Variants in ADAM12 observed in about 807,000 individuals in gnomAD.
The protein encoded by ADAM12 is disintegrin and metalloproteinase domain-containing protein 12.
A neutral mutation model predicts 106.4 loss-of-function variants in ADAM12; 70 were observed. That is an observed-to-expected ratio of 0.66 (90% CI 0.54 to 0.80). ADAM12 has a LOEUF of 0.80. Ranked by LOEUF, ADAM12 falls within the 30% of genes least tolerant of loss-of-function variation. The pLI is 0.00. For missense variants in ADAM12, 1,010 were observed against 1,171.9 expected, an observed-to-expected ratio of 0.86 and a Z score of 2.02; for synonymous variants, 420 against 433.5, an observed-to-expected ratio of 0.97 and a Z score of 0.39.
At chr10:126,139,915 G>A (rs770654166) in intron 4 of ADAM12, among the ~76,000 whole-genome samples, 9 of 148,596 alleles carry the variant, frequency 6.1e-5, no homozygotes, top group Non-Finnish European at 1.1e-4. Context: ...TCTTAGTTGG[G>A]TATGTAGGGG....
chr10:126,287,306 G>A (rs1330026684), intron 2 of ADAM12, among the ~76,000 whole-genome samples: 4 of 152,124 alleles, frequency 2.6e-5, no homozygotes, highest in Non-Finnish European at 5.9e-5. Context: ...CCTTTCTTGA[G>A]CTTACTATTG....
chr10:126,098,623 G>T, intron 9 of ADAM12, 123 bp from the exon 10 acceptor site: 3 of 748,966 alleles, frequency 4.0e-6, no homozygotes, highest in Non-Finnish European at 4.4e-6. Flanking sequence ...CTGTATGAGG[G>T]TATATTCACA....
chr10:126,294,898 ATG>A (rs34255814), intron 2 of ADAM12, among the ~76,000 whole-genome samples: 39 of 150,366 alleles, frequency 2.6e-4, no homozygotes, highest in East Asian at 3.9e-4. Context: ...TTGTGTGTAG[ATG>A]TGTGTGTGTG....
chr10:126,358,638 G>A lies in ADAM12; in HGVS notation c.89-28129C>T, dbSNP rs905063832. Among the ~76,000 whole-genome samples the A allele has an allele frequency of 3.9e-5, 6 of 152,166 alleles. No individual in the cohort carries two copies. The East Asian group carries it at 5.8e-4, about 15-fold the overall frequency. ...ATTCAACATAGTGTTGGAAGTCCTCGCCAGAGCAATTTTGCAAGAGAAAGA... is the reference window on the plus strand; with the variant it reads ...ATTCAACATAGTGTTGGAAGTCCTCACCAGAGCAATTTTGCAAGAGAAAGA... On this transcript the variant is annotated intron_variant, in intron 1 of 22. Transcript: ENST00000448723.
intron 3 of ADAM12, among the ~76,000 whole-genome samples, chr10:126,171,050 A>G (rs1957111159): frequency 6.6e-6 from 1 of 152,168 alleles, no homozygotes; most frequent in East Asian, 1.9e-4. Flanking sequence ...CCTTTGAACT[A>G]TTTGCTTCCT....
chr10:126,214,584 G>A (rs1392358591), intron 3 of ADAM12, among the ~76,000 whole-genome samples: 1 of 152,200 alleles, frequency 6.6e-6, no homozygotes, highest in Non-Finnish European at 1.5e-5. Context: ...GGGTGTGGGA[G>A]TAGATGGTCA....
intron 3 of ADAM12, among the ~76,000 whole-genome samples, chr10:126,206,224 T>A: frequency 6.6e-6 from 1 of 152,226 alleles, no homozygotes; most frequent in East Asian, 1.9e-4. Context: ...GCAACTAGTC[T>A]ATAGAACTAC....
intron 14 of ADAM12, among the ~76,000 whole-genome samples, chr10:126,057,993 C>T (rs942295259): frequency 1.1e-4 from 17 of 152,204 alleles, no homozygotes; most frequent in African/African-American, 3.9e-4. Flanking sequence ...GTTATATGAT[C>T]GGGTCAATGC....
At chr10:126,222,137 C>T (rs1958106588) in intron 3 of ADAM12, among the ~76,000 whole-genome samples, 1 of 152,206 alleles carries the variant, frequency 6.6e-6, no homozygotes, top group African/African-American at 2.4e-5. Context: ...CCGTTCTTCT[C>T]TGGAAGGTAC....
intron 3 of ADAM12, among the ~76,000 whole-genome samples, chr10:126,184,955 T>G (rs1433009656): frequency 6.6e-6 from 1 of 152,184 alleles, no homozygotes; most frequent in Non-Finnish European, 1.5e-5. Flanking sequence ...AAAGGGCACA[T>G]CCTGATGGAT....
At position 126,049,716 on chromosome 10, in the gene ADAM12, T is replaced by G. The variant is rs1293718918; in HGVS notation, c.1610-47A>C. The G allele has an allele frequency of 6.4e-7, 1 of 1,557,824 alleles. No individual in the cohort carries two copies. The highest frequency in any genetic ancestry group is 8.8e-7 in the Non-Finnish European group (1 of 1,135,552). On this transcript the variant is annotated intron_variant, in intron 14 of 22. Coordinates refer to ENST00000448723, the MANE Select transcript of ADAM12 (RefSeq NM_001288973.2). This position sits in a 1 kb window ranked among gnomAD's most constrained non-coding sequence, Gnocchi z 4.4. ...ATTTTCATCTCCTGCAGGTGATTTT[T>G]TTTTTTTCATGGCTGTAGGCCTCTC...
chr10:126,190,343 C>G (rs1193727518), intron 3 of ADAM12, among the ~76,000 whole-genome samples: 2 of 151,872 alleles, frequency 1.3e-5, no homozygotes, highest in African/African-American at 4.8e-5. Flanking sequence ...TGGGATTACT[C>G]AACTACTCTT....
chr10:126,260,427 T>G (rs528480602), intron 3 of ADAM12, among the ~76,000 whole-genome samples: 95 of 152,248 alleles, frequency 6.2e-4, no homozygotes, highest in Non-Finnish European at 1.2e-3. Flanking sequence ...AACCTTCATC[T>G]GAGGACAAGA....
intron 16 of ADAM12, among the ~76,000 whole-genome samples, chr10:126,047,536 G>T (rs1954359840): frequency 6.6e-6 from 1 of 152,116 alleles, no homozygotes; most frequent in African/African-American, 2.4e-5. Context: ...ATGATAAATT[G>T]AGCCCTTGGA....
chr10:126,271,501 G>A (rs184483004), intron 3 of ADAM12, among the ~76,000 whole-genome samples: 139 of 152,336 alleles, frequency 9.1e-4, no homozygotes, highest in African/African-American at 3.1e-3. Context: ...AATTTTGGTG[G>A]AGAGCAGTAG....
At chr10:126,264,756 C>G (rs10901575) in intron 3 of ADAM12, among the ~76,000 whole-genome samples, 64,074 of 151,820 alleles carry the variant, frequency 0.42, 14,589 homozygotes, top group Non-Finnish European at 0.52. Flanking sequence ...CTTGCCATTG[C>G]CATTGGAATG....
intron 11 of ADAM12, among the ~76,000 whole-genome samples, chr10:126,075,222 A>G (rs770622539): frequency 6.6e-6 from 1 of 152,216 alleles, no homozygotes; most frequent in South Asian, 2.1e-4. Flanking sequence ...GTAGGATGTC[A>G]TTACTCATCC....
At chr10:126,216,154 A>G (rs1374743251) in intron 3 of ADAM12, among the ~76,000 whole-genome samples, 1 of 152,172 alleles carries the variant, frequency 6.6e-6, no homozygotes, top group Non-Finnish European at 1.5e-5. Context: ...AACTCCCTAA[A>G]TCACACACTG....
In ADAM12 at chr10:126,388,065, C is replaced by A. The variant is rs1235181769; in HGVS notation, c.81G>T (p.Glu27Asp). Residue 27 changes from glutamate to aspartate, a missense_variant, in exon 1 of 23, where the codon GAG (glutamate) becomes GAT (aspartate). Transcript: ENST00000448723. The surrounding 1 kb of genome is among the most constrained non-coding windows in gnomAD (Gnocchi z 4.4). The part of the protein sequence containing the change: ...ALAGALLAPC[E>D]ARGVSLWNQG... The stretch of plus-strand genomic sequence containing the variant: ...CCTAGTTCGGCGACTTACCTCGGGC[C>A]TCGCAGGGCGCGAGCAGAGCACCGG... 1 of 1,226,158 alleles carries A rather than the reference C, an allele frequency of 8.2e-7. No individual in the cohort carries two copies. Among genetic ancestry groups the A allele is most frequent in the Admixed American group, 3.9e-5 (1 of 25,650 alleles). 76.0% of individuals were successfully genotyped at this position (1,226,158 alleles called of 1,614,324 possible).
Sources: gnomAD v4.1 joint callset for allele counts (sites outside exome capture counted in the v4.1 genomes callset) on GRCh38, gnomAD v4.1.1 for gene constraint, Gnocchi (gnomAD v3.1) non-coding constraint, MANE v1.5 for transcripts, NCBI Gene and HGNC (gene_info 2026-07-23, HGNC 2026-07-21) for gene names.